The following ATP8B4 variants were observed in gnomAD, a reference collection of about 807,000 sequenced individuals.
The protein encoded by ATP8B4 is probable phospholipid-transporting ATPase IM.
A neutral mutation model predicts 145.6 loss-of-function variants in ATP8B4; 133 were observed. The ratio of observed to expected loss-of-function variants is 0.91; its 90% confidence interval spans 0.79 to 1.05. The LOEUF (loss-of-function observed/expected upper bound fraction) is 1.05, where lower values mean the gene tolerates loss of function less well. ATP8B4 is among the 50% of genes least tolerant of loss of function. ATP8B4 has a pLI of 0.00. For synonymous variants in ATP8B4, 507 were observed against 492.9 expected (o/e 1.03, Z -0.38); for missense variants, 1,458 against 1,425.2 (o/e 1.02, Z -0.37).
At chr15:50,156,863 C>G (rs2044428319) in intron 1 of ATP8B4, among the ~76,000 whole-genome samples, 1 of 152,148 alleles carries the variant, frequency 6.6e-6, no homozygotes, top group African/African-American at 2.4e-5. Context: ...ATATCAGGAG[C>G]TTGGACTGGT....
chr15:49,984,475 G>C (rs2153538851), intron 10 of ATP8B4, among the ~76,000 whole-genome samples: 1 of 152,228 alleles, frequency 6.6e-6, no homozygotes, highest in African/African-American at 2.4e-5. Context: ...CAAGCAAGCT[G>C]TTTCTCCACC....
intron 16 of ATP8B4, among the ~76,000 whole-genome samples, chr15:49,928,657 A>T (rs1266624879): frequency 6.6e-6 from 1 of 152,100 alleles, no homozygotes; most frequent in African/African-American, 2.4e-5. Context: ...TTACAATAAT[A>T]CAAGCAAGCA....
At chr15:49,962,129 G>A in intron 13 of ATP8B4, 109 bp from the exon 14 acceptor site, 1 of 792,282 alleles carries the variant, frequency 1.3e-6, no homozygotes, top group Non-Finnish European at 1.9e-6. Context: ...TTACTAAATG[G>A]CATTATGAAT....
intron 1 of ATP8B4, among the ~76,000 whole-genome samples, chr15:50,108,212 C>T (rs911699005): frequency 5.9e-5 from 9 of 152,122 alleles, no homozygotes; most frequent in Non-Finnish European, 1.3e-4. Flanking sequence ...CTCTCTACTC[C>T]CCCACCCCAG....
At chr15:50,123,074 G>C (rs887532128), upstream of ATP8B4, among the ~76,000 whole-genome samples, 10 of 152,100 alleles carry the variant, frequency 6.6e-5, no homozygotes, top group Non-Finnish European at 1.3e-4. Context: ...GTCTAACAAA[G>C]GTCAGTATCT....
At chr15:49,864,210 G>GA (rs1204937150) in intron 26 of ATP8B4, among the ~76,000 whole-genome samples, 3 of 152,198 alleles carry the variant, frequency 2.0e-5, no homozygotes, top group African/African-American at 4.8e-5. Context: ...TTACATGTAG[G>GA]AAAAGGCAAA....
intron 8 of ATP8B4, among the ~76,000 whole-genome samples, chr15:49,997,940 A>G (rs982615432): frequency 6.6e-6 from 1 of 152,162 alleles, no homozygotes; most frequent in African/African-American, 2.4e-5. Flanking sequence ...TAGATGAAGC[A>G]GAAATTGAGC....
chr15:50,021,235 G>C (rs889819757), intron 6 of ATP8B4, among the ~76,000 whole-genome samples: 1 of 152,082 alleles, frequency 6.6e-6, no homozygotes, highest in Non-Finnish European at 1.5e-5. Context: ...ATCATACCTG[G>C]ACAAGAGTAG....
chr15:50,166,658 C>T (rs1024332586), intron 1 of ATP8B4, among the ~76,000 whole-genome samples: 1 of 152,166 alleles, frequency 6.6e-6, no homozygotes, highest in Non-Finnish European at 1.5e-5. Context: ...GAAACCTCAG[C>T]ATTCTACACA....
At chr15:49,995,499 T>C (rs1441526871) in intron 9 of ATP8B4, among the ~76,000 whole-genome samples, 1 of 152,146 alleles carries the variant, frequency 6.6e-6, no homozygotes, top group Non-Finnish European at 1.5e-5. Context: ...CAATCTCAAT[T>C]CGGAGGAATT....
chr15:49,963,869 C>T (rs1261954395), intron 13 of ATP8B4, among the ~76,000 whole-genome samples: 1 of 151,976 alleles, frequency 6.6e-6, no homozygotes, highest in African/African-American at 2.4e-5. Flanking sequence ...ATGTAACAAA[C>T]CTGTACATCC....
At chr15:50,044,382 G>A (rs1215941386) in intron 5 of ATP8B4, among the ~76,000 whole-genome samples, 2 of 152,220 alleles carry the variant, frequency 1.3e-5, no homozygotes, top group Non-Finnish European at 2.9e-5. Context: ...TATAAAAGGA[G>A]AAAGTGAATC....
intron 6 of ATP8B4, among the ~76,000 whole-genome samples, chr15:50,031,608 G>A (rs1268743514): frequency 2.0e-5 from 3 of 151,890 alleles, no homozygotes; most frequent in Admixed American, 1.3e-4. Context: ...AAAAGTAAGA[G>A]AATATTTAAT....
intron 16 of ATP8B4, among the ~76,000 whole-genome samples, chr15:49,925,269 T>C (rs1305015918): frequency 2.0e-5 from 3 of 152,152 alleles, no homozygotes; most frequent in African/African-American, 7.2e-5. Flanking sequence ...AATATTAGTT[T>C]GGAGATTGGC....
At chr15:50,124,499 G>A (rs190308415) in intron 1 of ATP8B4, among the ~76,000 whole-genome samples, 105 of 152,048 alleles carry the variant, frequency 6.9e-4, no homozygotes, top group African/African-American at 2.4e-3. Context: ...ATAGAGACCC[G>A]GATTTAGAAG....
Position 49,923,635 on chromosome 15 carries a change from G to T in ATP8B4, c.1643-141C>A, listed in dbSNP as rs1022016357. 3.6e-5 allele frequency: 20 copies of T among 552,056 alleles called. No individual in the cohort carries two copies. The East Asian group carries it at 6.1e-4, about 17-fold the overall frequency. The allele number at this position is 552,056 out of a possible 1,614,324, so 34.2% of individuals were successfully genotyped here. On this transcript the variant is annotated intron_variant, in intron 16 of 27. Coordinates refer to ENST00000284509, the MANE Select transcript of ATP8B4 (RefSeq NM_024837.4). ...GTAAGACACTCAGTGCCTTTGGTTA[G>T]GTCATTACCTAAGTCACTTGGCTTT...
intron 2 of ATP8B4, among the ~76,000 whole-genome samples, chr15:50,094,320 A>G (rs2055813351): frequency 6.6e-6 from 1 of 152,022 alleles, no homozygotes; most frequent in Non-Finnish European, 1.5e-5. Flanking sequence ...TTCAGACTCA[A>G]ACTAAAACAT....
chr15:50,072,956 C>A (rs1567305906), intron 3 of ATP8B4, among the ~76,000 whole-genome samples: 1 of 31,276 alleles, frequency 3.2e-5, no homozygotes, highest in Non-Finnish European at 5.6e-5. Context: ...CTCTCTCTCT[C>A]TCTCTCTCTC....
At chr15:50,000,292 T>C (rs1468913310) in intron 8 of ATP8B4, among the ~76,000 whole-genome samples, 2 of 152,182 alleles carry the variant, frequency 1.3e-5, no homozygotes, top group East Asian at 1.9e-4. Context: ...AGAGTGATTG[T>C]AGCATGTTAC....
Sources: gnomAD v4.1 joint callset for allele counts (sites outside exome capture counted in the v4.1 genomes callset) on GRCh38, gnomAD v4.1.1 for gene constraint, MANE v1.5 for transcripts, NCBI Gene and HGNC (gene_info 2026-07-23, HGNC 2026-07-21) for gene names.